CKMT2: variants seen among roughly 807,000 people sequenced by gnomAD.
CKMT2 encodes creatine kinase S-type, mitochondrial.
In CKMT2, 43 loss-of-function variants were observed where a neutral mutation model predicts 48.9. The ratio of observed to expected loss-of-function variants is 0.88; its 90% CI spans 0.69 to 1.13. CKMT2 has a LOEUF of 1.13. Among genes scored for constraint, CKMT2 ranks in the 50% most tolerant of loss-of-function variants. The probability of loss-of-function intolerance (pLI) is 0.00; values close to 1 mark genes in which losing one functional copy is unlikely to be tolerated. For synonymous variants in CKMT2, 206 were observed against 213.0 expected (o/e 0.97, Z 0.29); for missense variants, 472 against 555.4 (o/e 0.85, Z 1.51).
chr5:81,259,307 C>T, intron 8 of CKMT2, 53 bp downstream of exon 8: 2 of 1,541,184 alleles, frequency 1.3e-6, no homozygotes, highest in Non-Finnish European at 1.8e-6. Flanking sequence ...TCAGATGCGA[C>T]TGCTTTGTGG....
At chr5:81,251,043 C>T in intron 1 of CKMT2, 70 bp from the exon 2 acceptor site, 1 of 1,202,530 alleles carries the variant, frequency 8.3e-7, no homozygotes, top group South Asian at 1.4e-5. Flanking sequence ...GTTCTCTTGC[C>T]CATTGACCCC....
At position 81,251,277 on chromosome 5, in the gene CKMT2, C is replaced by T; in HGVS notation, c.145C>T (p.Pro49Ser). 6.2e-7 allele frequency: 1 copy of T among 1,613,936 alleles called. No homozygotes were observed. Among genetic ancestry groups the T allele is most frequent in the Non-Finnish European group, 8.5e-7 (1 of 1,179,956 alleles). The stretch of plus-strand genomic sequence containing the variant: ...GGTCCGGGAGCAGCCTAGGCTATTT[C>T]CTCCAAGGTAAGGGCTCCTGACTTT... Reference protein sequence around the residue: ...AEVREQPRLFPPSADYPDLRK... With the variant: ...AEVREQPRLFSPSADYPDLRK... Residue 49 changes from proline to serine, a missense_variant, in exon 2 of 10, where the codon CCT (proline) becomes TCT (serine). Coordinates refer to ENST00000254035, the MANE Select transcript of CKMT2 (RefSeq NM_001099735.2).
At chr5:81,265,908 T>C (rs528872830) in intron 9 of CKMT2, among the ~76,000 whole-genome samples, 5 of 152,306 alleles carry the variant, frequency 3.3e-5, no homozygotes, top group Non-Finnish European at 7.4e-5. Context: ...TGCAAACTAA[T>C]GGTTTTCACA....
chr5:81,244,848 T>C (rs955568080), intron 1 of CKMT2: 1 of 62,504 alleles, frequency 1.6e-5, no homozygotes, highest in African/African-American at 7.3e-5. Flanking sequence ...CCCCTCACTA[T>C]TTTTTTTTTT....
At chr5:81,254,532 C>T in intron 4 of CKMT2, 41 bp downstream of exon 4, 5 of 1,569,580 alleles carry the variant, frequency 3.2e-6, no homozygotes, top group African/African-American at 1.3e-5. Context: ...GAAGCTGGCA[C>T]TCCTGAGCCC....
chr5:81,265,664 A>G (rs1221211759), intron 9 of CKMT2, among the ~76,000 whole-genome samples: 1 of 152,232 alleles, frequency 6.6e-6, no homozygotes, highest in African/African-American at 2.4e-5. Context: ...CTTGCCTAGC[A>G]TAGTACAAAC....
rs569992132 is a variant in CKMT2, at chr5:81,246,255, C to T, written c.-20-4858C>T. On this transcript the variant is annotated intron_variant, in intron 1 of 9. Transcript: ENST00000254035. ...AAATCCAGACTCCTTAGGGTGGTCT[C>T]GGGGCCTGCACACCTGGCTCCCCTA... Among the ~76,000 whole-genome samples, 10 of 151,602 alleles carry T rather than the reference C, an allele frequency of 6.6e-5. No individual in the cohort carries two copies. In the East Asian group the frequency reaches 1.4e-3, roughly 21 times the overall value.
chr5:81,260,000 G>C (rs564462254), intron 8 of CKMT2, among the ~76,000 whole-genome samples: 2 of 152,186 alleles, frequency 1.3e-5, no homozygotes, highest in South Asian at 4.1e-4. Flanking sequence ...AAATGCAAAA[G>C]AACGGATATC....
Position 81,254,490 on chromosome 5 carries a change from A to AGGT in CKMT2, c.447_447+2dup. 1 of 1,613,592 alleles carries AGGT rather than the reference A, an allele frequency of 6.2e-7. No individual in the cohort carries two copies. The highest frequency in any genetic ancestry group is 8.5e-7 in the Non-Finnish European group (1 of 1,179,510). Reference sequence around the variant, plus strand: ...CACACAACGGATCTGGATGCATCAAAGGTAGGCTCCAGCCTCCCTCTCCTT... The same window carrying AGGT: ...CACACAACGGATCTGGATGCATCAAAGGTGGTAGGCTCCAGCCTCCCTCTCCTT... On this transcript the variant is annotated inframe_insertion and splice_region_variant, in exon 4 of 10. Transcript: ENST00000254035.
At chr5:81,234,992 C>A (rs1166824588) in intron 1 of CKMT2, among the ~76,000 whole-genome samples, 3 of 152,174 alleles carry the variant, frequency 2.0e-5, no homozygotes, top group African/African-American at 7.2e-5. Flanking sequence ...GTCACACTAA[C>A]CCTTGCCAGG....
At position 81,256,550 on chromosome 5, in the gene CKMT2, A is replaced by G. The variant is rs149366813; in HGVS notation, c.670-365A>G. 3.0e-3 allele frequency among the ~76,000 whole-genome samples: 453 copies of G among 152,350 alleles called. 2 individuals are homozygous for G. The highest frequency in any genetic ancestry group is 1.0e-2 in the African/African-American group (414 of 41,584). On this transcript the variant is annotated intron_variant, in intron 5 of 9. Transcript: ENST00000254035. ...TGTAGAACAGCCTTTTCAGGATAGT[A>G]TCCCTCATTCATTGCTCGCTCAGCC...
chr5:81,254,115 G>C (rs1300317446), intron 3 of CKMT2, among the ~76,000 whole-genome samples: 1 of 152,190 alleles, frequency 6.6e-6, no homozygotes, highest in Non-Finnish European at 1.5e-5. Context: ...CAGTGATTTT[G>C]GCAGAATCAC....
At chr5:81,242,669 T>C (rs970945795) in intron 1 of CKMT2, 5 of 215,188 alleles carry the variant, frequency 2.3e-5, no homozygotes, top group African/African-American at 1.2e-4. Context: ...CGTTTATTGC[T>C]GGGTGCCAAG....
intron 1 of CKMT2, chr5:81,237,994 T>C (rs1309299483): frequency 6.6e-6 from 1 of 152,170 alleles, no homozygotes; most frequent in South Asian, 2.1e-4. Flanking sequence ...TTCTAATCCA[T>C]AGCAGACTCA....
chr5:81,255,233 T>C lies in CKMT2; in HGVS notation c.669+19T>C, dbSNP rs1319017564. The C allele has an allele frequency of 1.1e-5, 18 of 1,609,412 alleles. No homozygotes were observed. Among genetic ancestry groups the C allele is most frequent in the Non-Finnish European group, 1.4e-5 (17 of 1,176,426 alleles). The stretch of plus-strand genomic sequence containing the variant: ...CATCGATGTGAGTAGCAGATGGGGC[T>C]CCCTGGGGAAGGACTGGACCAAGGG... On this transcript the variant is annotated intron_variant, in intron 5 of 9. Transcript: ENST00000254035.
intron 8 of CKMT2, among the ~76,000 whole-genome samples, chr5:81,260,600 T>C (rs1404321424): frequency 2.0e-5 from 3 of 152,038 alleles, no homozygotes. Context: ...TGTGCAAATA[T>C]ACTAGAAAAT....
intron 1 of CKMT2, among the ~76,000 whole-genome samples, chr5:81,247,901 C>T (rs918031967): frequency 2.0e-5 from 3 of 152,152 alleles, no homozygotes; most frequent in Non-Finnish European, 4.4e-5. Flanking sequence ...AAAGCTTCCC[C>T]AGGATTATCT....
At chr5:81,247,069 C>A (rs2112795094) in intron 1 of CKMT2, 1 of 152,310 alleles carries the variant, frequency 6.6e-6, no homozygotes. Context: ...GAAGTGGAGC[C>A]CACAGTGAGG....
At position 81,259,175 on chromosome 5, in the gene CKMT2, G is replaced by C; in HGVS notation, c.935G>C (p.Gly312Ala). ...GAGTTCATGTGGAATGAGCGCCTAG[G>C]ATACATTTTGACCTGTCCTTCGAAC... is the stretch of plus-strand genomic sequence containing the variant. ...GWEFMWNERL[G>A]YILTCPSNLG... The change falls in exon 8 of 10, where the codon GGA becomes GCA. Residue 312 changes from glycine (G) to alanine (A), a missense_variant. Physicochemically the swap from Gly to Ala is moderately conservative, Grantham distance 60. Coordinates refer to ENST00000254035, the MANE Select transcript of CKMT2 (RefSeq NM_001099735.2). 6.2e-7 allele frequency: 1 copy of C among 1,614,082 alleles called. No homozygotes were observed. The highest frequency in any genetic ancestry group is 1.1e-5 in the South Asian group (1 of 91,052).
Sources: gnomAD v4.1 joint callset for allele counts (sites outside exome capture counted in the v4.1 genomes callset) on GRCh38, gnomAD v4.1.1 for gene constraint, MANE v1.5 for transcripts, NCBI Gene and HGNC (gene_info 2026-07-23, HGNC 2026-07-21) for gene names.